The following GATM variants were observed in gnomAD, a reference collection of about 807,000 sequenced individuals.
GATM encodes the protein glycine amidinotransferase.
GATM carries 23 observed loss-of-function variants against 54.2 expected under a neutral mutation model. That is an observed-to-expected ratio of 0.42 (90% CI 0.31 to 0.60). GATM has a LOEUF of 0.60. Ranked by LOEUF, GATM falls within the 20% of genes least tolerant of loss-of-function variation. GATM has a pLI of 0.14. For synonymous variants in GATM, 168 were observed against 183.1 expected, an observed-to-expected ratio of 0.92 and a Z score of 0.67; for missense variants, 401 against 544.9, an observed-to-expected ratio of 0.74 and a Z score of 2.63.
At chr15:45,381,748 G>A (rs188913920), upstream of GATM, among the ~76,000 whole-genome samples, 2 of 152,312 alleles carry the variant, frequency 1.3e-5, no homozygotes, top group East Asian at 3.9e-4. Context: ...CAGTTTAGGG[G>A]AAGGATATCT....
Position 45,366,028 on chromosome 15 carries a change from TC to T in GATM, c.978+17del. 1.2e-6 allele frequency: 2 copies of T among 1,613,434 alleles called. No homozygotes were observed. Among genetic ancestry groups the T allele is most frequent in the Non-Finnish European group, 1.7e-6 (2 of 1,179,470 alleles). ...ACTAGATTCTGTTGCTTTTCCAGAG[TC>T]CCAAGAAATCTCTTACCTGGTGACA... On this transcript the variant is annotated intron_variant, in intron 6 of 8. Transcript: ENST00000396659.
At chr15:45,369,030 A>G (rs1330089334) in intron 3 of GATM, among the ~76,000 whole-genome samples, 1 of 152,220 alleles carries the variant, frequency 6.6e-6, no homozygotes, top group Non-Finnish European at 1.5e-5. Flanking sequence ...TCCCCTTTTA[A>G]TTTCTGTTCT....
intron 7 of GATM, 93 bp downstream of exon 7, chr15:45,364,704 A>T (rs930022648): frequency 1.3e-5 from 14 of 1,101,980 alleles, no homozygotes; most frequent in Non-Finnish European, 1.8e-5. Flanking sequence ...ACATTCTCTA[A>T]GCTGCTAACA....
intron 2 of GATM, among the ~76,000 whole-genome samples, chr15:45,397,821 G>T (rs956181385): frequency 6.6e-6 from 1 of 152,148 alleles, no homozygotes; most frequent in African/African-American, 2.4e-5. Flanking sequence ...CCCTGAACCT[G>T]TGGAGTCTGA....
In GATM at chr15:45,369,545, C is replaced by T. The variant is rs145644806; in HGVS notation, c.289-24G>A. The T allele has an allele frequency of 5.0e-5, 80 of 1,600,286 alleles. No individual in the cohort carries two copies. In the African/African-American group the frequency reaches 9.8e-4, roughly 20 times the overall value. On this transcript the variant is annotated intron_variant, in intron 2 of 8. Transcript: ENST00000396659. ...GCCTGGAAGTAGAAGCAAATAAACA[C>T]AATACTTACAGGAGAAAAATACAGC...
At chr15:45,390,880 A>C (rs954476283) in intron 3 of GATM, among the ~76,000 whole-genome samples, 3 of 152,210 alleles carry the variant, frequency 2.0e-5, no homozygotes, top group Non-Finnish European at 4.4e-5. Flanking sequence ...TGTCTGAGAC[A>C]GTTCCAGTCA....
intron 3 of GATM, among the ~76,000 whole-genome samples, chr15:45,386,434 C>T (rs1457427321): frequency 6.6e-6 from 1 of 152,188 alleles, no homozygotes; most frequent in Non-Finnish European, 1.5e-5. Flanking sequence ...TGCTTAGAAA[C>T]AACTCTTGTT....
At chr15:45,391,401 G>C (rs1412341742) in intron 3 of GATM, among the ~76,000 whole-genome samples, 1 of 152,186 alleles carries the variant, frequency 6.6e-6, no homozygotes, top group Non-Finnish European at 1.5e-5. Context: ...GACGGAGCGA[G>C]ACTGTATCTC....
chr15:45,397,101 T>C (rs1372508387), intron 2 of GATM: 3 of 151,548 alleles, frequency 2.0e-5, no homozygotes, highest in Admixed American at 6.6e-5. Context: ...AAGTAAGAAA[T>C]ATATATATGG....
exon 1 of GATM, chr15:45,402,101 GAT>G: frequency 3.0e-6 from 1 of 328,604 alleles, no homozygotes. Flanking sequence ...TGACTTCCAA[GAT>G]ATATGTAACC....
intron 3 of GATM, among the ~76,000 whole-genome samples, chr15:45,384,207 T>C (rs1889777785): frequency 6.6e-6 from 1 of 152,266 alleles, no homozygotes; most frequent in Admixed American, 6.5e-5. Flanking sequence ...TCACCACTCC[T>C]GTAAGCTGCA....
In GATM at chr15:45,378,427, G is replaced by A. The variant is rs1418247826; in HGVS notation, c.27C>T (p.Gly9=). 4.0e-6 allele frequency: 6 copies of A among 1,503,740 alleles called. No individual in the cohort carries two copies. The highest frequency in any genetic ancestry group is 4.4e-6 in the Non-Finnish European group (5 of 1,133,436). 93.1% of individuals were successfully genotyped at this position (1,503,740 alleles called of 1,614,324 possible). A position where few individuals can be genotyped will look rare whatever the true frequency, so the allele number is the denominator to read the frequency against. MLRVRCLR[G]GSRGAEAVHY... ...GCACCGCCTCGGCGCCGCGGCTCCC[G>A]CCGCGCAGACACCGCACCCGCAGCA... is the stretch of plus-strand genomic sequence containing the variant. The change falls in exon 1 of 9, where the codon GGC becomes GGT. Residue 9 remains glycine (G), a synonymous_variant. Coordinates refer to ENST00000396659, the MANE Select transcript of GATM (RefSeq NM_001482.3).
At chr15:45,395,657 T>G (rs1313161883) in intron 3 of GATM, among the ~76,000 whole-genome samples, 4 of 152,150 alleles carry the variant, frequency 2.6e-5, no homozygotes, top group African/African-American at 9.7e-5. Flanking sequence ...AAGAACAATT[T>G]GAACTAAAGA....
chr15:45,378,294 G>A, intron 1 of GATM, 91 bp downstream of exon 1: 1 of 979,216 alleles, frequency 1.0e-6, no homozygotes, highest in Non-Finnish European at 1.5e-6. Context: ...GGAAGGTGGC[G>A]GCTCCGGGCA....
upstream of GATM, among the ~76,000 whole-genome samples, chr15:45,382,934 TA>T: frequency 6.6e-6 from 1 of 152,312 alleles, no homozygotes; most frequent in South Asian, 2.1e-4. Context: ...CAATTCCAGG[TA>T]AACTGATGGA....
intron 3 of GATM, among the ~76,000 whole-genome samples, chr15:45,385,598 T>A (rs1209191476): frequency 6.6e-6 from 1 of 152,196 alleles, no homozygotes; most frequent in Non-Finnish European, 1.5e-5. Context: ...ATGTGGAGGA[T>A]GTGTCATTTT....
chr15:45,381,930 T>A (rs1448686656), upstream of GATM, among the ~76,000 whole-genome samples: 4 of 152,222 alleles, frequency 2.6e-5, no homozygotes, highest in African/African-American at 9.6e-5. Flanking sequence ...ACCTAAGTTG[T>A]CCCTGGGGAG....
At chr15:45,384,997 C>T (rs1459621376) in intron 3 of GATM, among the ~76,000 whole-genome samples, 2 of 152,200 alleles carry the variant, frequency 1.3e-5, no homozygotes, top group East Asian at 1.9e-4. Context: ...TGTGAGCCAA[C>T]CTTTCCCTTT....
At chr15:45,396,022 A>C (rs957676211) in intron 3 of GATM, 8 of 152,194 alleles carry the variant, frequency 5.3e-5, no homozygotes, top group Non-Finnish European at 1.0e-4. Flanking sequence ...TCTGTCCTTA[A>C]AGGGTTTAGA....
Sources: gnomAD v4.1 joint callset for allele counts (sites outside exome capture counted in the v4.1 genomes callset) on GRCh38, gnomAD v4.1.1 for gene constraint, MANE v1.5 for transcripts, NCBI Gene and HGNC (gene_info 2026-07-23, HGNC 2026-07-21) for gene names.